The following EMX2 variants were observed in gnomAD, a reference collection of about 807,000 sequenced individuals.
EMX2 encodes homeobox protein EMX2.
EMX2 carries 6 observed loss-of-function variants against 23.0 expected under a neutral mutation model. The ratio of observed to expected loss-of-function variants is 0.26; its 90% confidence interval spans 0.14 to 0.52. The LOEUF is 0.52. Among genes scored for constraint, EMX2 ranks in the 20% least tolerant of loss-of-function variants. The pLI is 0.97. For synonymous variants in EMX2, 175 were observed against 153.3 expected (o/e 1.14, Z -1.04); for missense variants, 302 against 341.4 (o/e 0.88, Z 0.91).
chr10:117,548,150 A>C lies in EMX2; in HGVS notation c.677A>C (p.Lys226Thr). 6.2e-7 allele frequency: 1 copy of C among 1,614,012 alleles called. No individual in the cohort carries two copies. ...GGCTCAGATTCGCAACAAAAGAAAA[A>C]AGGGACGCACCATATTAACCGGTGG... ...EEGSDSQQKK[K>T]GTHHINRWRI... Residue 226 changes from lysine to threonine, a missense_variant, in exon 3 of 3, where the codon AAA (lysine) becomes ACA (threonine). By Grantham distance (78) the Lys-to-Thr change is moderately conservative. Coordinates refer to ENST00000553456, the MANE Select transcript of EMX2 (RefSeq NM_004098.4).
At position 117,543,164 on chromosome 10, in the gene EMX2, G is replaced by C; in HGVS notation, c.-104G>C. The C allele has an allele frequency of 4.7e-6, 1 of 214,412 alleles. No homozygotes were observed. Among genetic ancestry groups the C allele is most frequent in the Non-Finnish European group, 6.5e-6 (1 of 152,794 alleles). The allele number at this position is 214,412 out of a possible 1,614,324, so 13.3% of individuals were successfully genotyped here. On this transcript the variant is annotated 5_prime_UTR_variant, in exon 1 of 3. Coordinates refer to ENST00000553456, the MANE Select transcript of EMX2 (RefSeq NM_004098.4). ...CCCCACCCCCACCCCAAACAAACGA[G>C]TCCCCAATTCTCGTCCGTCCTCGCC...
chr10:117,543,534 G>T lies in EMX2; in HGVS notation c.267G>T (p.Pro89=), dbSNP rs2133967656. Residue 89 remains proline (P), a synonymous_variant, in exon 1 of 3, where the codon CCG becomes CCT. Transcript: ENST00000553456. ...PNPAVPVHPV[P]PPHALAAHPL... Reference sequence around the variant, plus strand: ...CCGCCGTGCCAGTGCACCCGGTGCCGCCGCCGCACGCCCTGGCCGCCCACC... The same window carrying T: ...CCGCCGTGCCAGTGCACCCGGTGCCTCCGCCGCACGCCCTGGCCGCCCACC... 6 of 1,567,964 alleles carry T rather than the reference G, an allele frequency of 3.8e-6. No homozygotes were observed. The highest frequency in any genetic ancestry group is 5.2e-6 in the Non-Finnish European group (6 of 1,154,814).
In EMX2 at chr10:117,543,087, T is replaced by G; in HGVS notation, c.-181T>G. ...TTTGCCTCTCCCTCTCCCTCCCCCC[T>G]CCTTTCCTTTTTCCTTTCCTTTCCT... On this transcript the variant is annotated 5_prime_UTR_variant, in exon 1 of 3. Coordinates refer to ENST00000553456, the MANE Select transcript of EMX2 (RefSeq NM_004098.4). 7.4e-5 allele frequency: 15 copies of G among 202,106 alleles called. No individual in the cohort carries two copies. Among genetic ancestry groups the G allele is most frequent in the East Asian group, 3.5e-4 (2 of 5,764 alleles). 12.5% of individuals were successfully genotyped at this position (202,106 alleles called of 1,614,324 possible).
chr10:117,548,258 C>T lies in EMX2; in HGVS notation c.*26C>T, dbSNP rs146762820. 872 of 1,611,846 alleles carry T rather than the reference C, an allele frequency of 5.4e-4. 12 individuals are homozygous for T. Among genetic ancestry groups the T allele is most frequent in the Non-Finnish European group, 7.4e-5 (87 of 1,179,098 alleles). ...AAACATAAACCTAACCCCACAGAAACGGACAACATGGAGCAAAAGAGACAG... is the reference window on the plus strand; with the variant it reads ...AAACATAAACCTAACCCCACAGAAATGGACAACATGGAGCAAAAGAGACAG... On this transcript the variant is annotated 3_prime_UTR_variant, in exon 3 of 3. Coordinates refer to ENST00000553456, the MANE Select transcript of EMX2 (RefSeq NM_004098.4).
intron 1 of EMX2, among the ~76,000 whole-genome samples, 194 bp downstream of exon 1, chr10:117,543,867 G>C (rs1444455519): frequency 1.3e-5 from 2 of 152,254 alleles, no homozygotes; most frequent in Non-Finnish European, 1.5e-5. Context: ...AGCTACGACT[G>C]GTTTGGAGTG....
chr10:117,543,514 G>A lies in EMX2; in HGVS notation c.247G>A (p.Val83Met), dbSNP rs762991629. 3.9e-6 allele frequency: 4 copies of A among 1,014,242 alleles called. No individual in the cohort carries two copies. Among genetic ancestry groups the A allele is most frequent in the Admixed American group, 4.6e-5 (2 of 43,258 alleles). The allele number at this position is 1,014,242 out of a possible 1,614,324, so 62.8% of individuals were successfully genotyped here. A position where few individuals can be genotyped will look rare whatever the true frequency, so the allele number is the denominator to read the frequency against. Reference sequence around the variant, plus strand: ...GGTCTCGCACCCGCCCAACCCCGCCGTGCCAGTGCACCCGGTGCCGCCGCC... The same window carrying A: ...GGTCTCGCACCCGCCCAACCCCGCCATGCCAGTGCACCCGGTGCCGCCGCC... Reference protein sequence around the residue: ...EAVSHPPNPAVPVHPVPPPHA... With the variant: ...EAVSHPPNPAMPVHPVPPPHA... Residue 83 changes from valine (V) to methionine (M), a missense_variant, in exon 1 of 3, where the codon GTG becomes ATG. Physicochemically the swap from Val to Met is conservative, Grantham distance 21. Coordinates refer to ENST00000553456, the MANE Select transcript of EMX2 (RefSeq NM_004098.4).
chr10:117,547,591 C>T (rs1383982288), intron 2 of EMX2, among the ~76,000 whole-genome samples: 1 of 152,238 alleles, frequency 6.6e-6, no homozygotes, highest in African/African-American at 2.4e-5. Context: ...CCCAGACCAG[C>T]AGAAAATAGA....
At chr10:117,544,020 C>A (rs1846538522) in intron 1 of EMX2, among the ~76,000 whole-genome samples, 1 of 152,180 alleles carries the variant, frequency 6.6e-6, no homozygotes, top group Admixed American at 6.5e-5. Context: ...GCTCCTGGTA[C>A]CCTCGGCAAT....
chr10:117,543,747 G>T (rs995647407), intron 1 of EMX2, 74 bp downstream of exon 1: 1 of 1,609,326 alleles, frequency 6.2e-7, no homozygotes, highest in Admixed American at 1.7e-5. Flanking sequence ...TGCTCCGGGT[G>T]GGCGCTTGGC....
rs761378350 is a variant in EMX2, at chr10:117,543,260, G to T, written c.-8G>T. 30 of 1,532,098 alleles carry T rather than the reference G, an allele frequency of 2.0e-5. No individual in the cohort carries two copies. The highest frequency in any genetic ancestry group is 2.6e-5 in the Non-Finnish European group (30 of 1,137,740). The allele number at this position is 1,532,098 out of a possible 1,614,324, so 94.9% of individuals were successfully genotyped here. On this transcript the variant is annotated 5_prime_UTR_variant, in exon 1 of 3. Coordinates refer to ENST00000553456, the MANE Select transcript of EMX2 (RefSeq NM_004098.4). Reference sequence around the variant, plus strand: ...TGGGAGCCCAGGGCGCCCGCTCCTCGGCGCAGCATGTTCCAGCCGGCGCCC... The same window carrying T: ...TGGGAGCCCAGGGCGCCCGCTCCTCTGCGCAGCATGTTCCAGCCGGCGCCC...
At position 117,548,215 on chromosome 10, in the gene EMX2, G is replaced by A. The variant is rs1203251018; in HGVS notation, c.742G>A (p.Val248Met). The A allele has an allele frequency of 6.2e-7, 1 of 1,613,868 alleles. No individual in the cohort carries two copies. Among genetic ancestry groups the A allele is most frequent in the East Asian group, 2.2e-5 (1 of 44,872 alleles). Reference protein sequence around the residue: ...TKQASPEEIDVTSDD With the variant: ...TKQASPEEIDMTSDD ...GCAGGCGAGTCCGGAGGAAATAGAC[G>A]TGACCTCAGATGATTAAAAACATAA... The change falls in exon 3 of 3, where the codon GTG becomes ATG. Residue 248 changes from valine to methionine, a missense_variant. This residue lies in a region of EMX2 where 42 missense variants were observed against 49.3 expected (regional missense o/e 0.85). Transcript: ENST00000553456.
At position 117,545,729 on chromosome 10, in the gene EMX2, G is replaced by T. The variant is rs770889599; in HGVS notation, c.504G>T (p.Arg168Ser). 1.9e-6 allele frequency: 3 copies of T among 1,614,110 alleles called. No individual in the cohort carries two copies. Among genetic ancestry groups the T allele is most frequent in the African/African-American group, 1.3e-5 (1 of 75,070 alleles). ...CCTTCTCCCCGTCCCAGCTTCTAAG[G>T]CTGGAACACGCCTTTGAGAAGAATC... The part of the protein sequence containing the change: ...RTAFSPSQLL[R>S]LEHAFEKNHY... The change falls in exon 2 of 3, where the codon AGG (arginine) becomes AGT (serine). Residue 168 changes from arginine (R) to serine (S), a missense_variant. This residue lies in a region of EMX2 where 37 missense variants were observed against 69.1 expected (regional missense o/e 0.54). Transcript: ENST00000553456.
At chr10:117,544,545 T>C (rs385209) in intron 1 of EMX2, 93,528 of 152,058 alleles carry the variant, frequency 0.62, 29,088 homozygotes, top group Non-Finnish European at 0.66. Context: ...GTTTACGGAT[T>C]GGAGTCAGTA....
Sources: allele counts gnomAD v4.1 joint callset (sites outside exome capture counted in the v4.1 genomes callset), GRCh38; gene constraint gnomAD v4.1.1; regional missense constraint gnomAD v4.1.1; transcripts MANE v1.5; gene names NCBI Gene and HGNC (gene_info 2026-07-23, HGNC 2026-07-21).